TM9SF2: variants seen among roughly 807,000 people sequenced by gnomAD.
TM9SF2 encodes the protein transmembrane 9 superfamily member 2.
Under a neutral mutation model 84.9 loss-of-function variants are expected in TM9SF2, and 13 were observed. That is an observed-to-expected ratio of 0.15 (90% CI 0.10 to 0.24). The LOEUF (loss-of-function observed/expected upper bound fraction) is 0.24. Ranked by LOEUF, TM9SF2 falls within the 10% of genes least tolerant of loss-of-function variation. The pLI is 1.00. For synonymous variants in TM9SF2, 273 were observed against 285.8 expected (o/e 0.96, Z 0.45); for missense variants, 562 against 818.5 (o/e 0.69, Z 3.82).
rs776020630 is a variant in TM9SF2, at chr13:99,554,310, G to C, written c.1495G>C (p.Glu499Gln). 1.9e-6 allele frequency: 3 copies of C among 1,610,986 alleles called. No homozygotes were observed. In the South Asian group the frequency reaches 3.3e-5, roughly 18 times the overall value. The part of the protein sequence containing the change: ...AYFGFKKNAI[E>Q]HPVRTNQIPR... ...CTTCCTTTTTTTACTGAAGGCCATT[G>C]AACACCCAGTTCGAACCAATCAGAT... Residue 499 changes from glutamate (E) to glutamine (Q), a missense_variant, in exon 14 of 17, where the codon GAA becomes CAA. Coordinates refer to ENST00000376387, the MANE Select transcript of TM9SF2 (RefSeq NM_004800.3).
At chr13:99,520,916 C>T (rs9517757) in intron 3 of TM9SF2, among the ~76,000 whole-genome samples, 61,110 of 152,086 alleles carry the variant, frequency 0.4, 14,517 homozygotes, top group Non-Finnish European at 0.54. Context: ...GTACATTTTT[C>T]GAACACCAGT....
At position 99,501,483 on chromosome 13, in the gene TM9SF2, A is replaced by G; in HGVS notation, c.-124A>G. 1 of 1,289,448 alleles carries G rather than the reference A, an allele frequency of 7.8e-7. No homozygotes were observed. The highest frequency in any genetic ancestry group is 1.1e-6 in the Non-Finnish European group (1 of 944,052). 79.9% of individuals were successfully genotyped at this position (1,289,448 alleles called of 1,614,324 possible). On this transcript the variant is annotated 5_prime_UTR_variant, in exon 1 of 17. Coordinates refer to ENST00000376387, the MANE Select transcript of TM9SF2 (RefSeq NM_004800.3). ...CCGGGGTGTCTCCTAGCGCAACCGGAACTAGCCTTCTGGGGGCCGGCTTCC... is the reference window on the plus strand; with the variant it reads ...CCGGGGTGTCTCCTAGCGCAACCGGGACTAGCCTTCTGGGGGCCGGCTTCC...
At position 99,532,583 on chromosome 13, in the gene TM9SF2, G is replaced by A. The variant is rs1012298780; in HGVS notation, c.461+2989G>A. 2.6e-5 allele frequency among the ~76,000 whole-genome samples: 4 copies of A among 151,970 alleles called. 1 individual carries two copies. The South Asian group carries it at 6.2e-4, about 24-fold the overall frequency. ...CAGGCGCCTGTAATCCCAGCTACTC[G>A]GGAGGCTGAGGCAGGAGAATTGCTT... On this transcript the variant is annotated intron_variant, in intron 4 of 16. Coordinates refer to ENST00000376387, the MANE Select transcript of TM9SF2 (RefSeq NM_004800.3).
At chr13:99,561,822 A>T (rs1375734098) in intron 16 of TM9SF2, among the ~76,000 whole-genome samples, 1 of 152,228 alleles carries the variant, frequency 6.6e-6, no homozygotes, top group African/African-American at 2.4e-5. Flanking sequence ...GCTTGAAGTC[A>T]GAAAAAACGC....
At chr13:99,520,976 C>A (rs1275036302) in intron 3 of TM9SF2, among the ~76,000 whole-genome samples, 1 of 152,186 alleles carries the variant, frequency 6.6e-6, no homozygotes, top group Non-Finnish European at 1.5e-5. Flanking sequence ...ATATGTACTT[C>A]ATCATCTCTC....
chr13:99,502,309 A>T (rs887117140), intron 1 of TM9SF2, among the ~76,000 whole-genome samples: 2 of 152,202 alleles, frequency 1.3e-5, no homozygotes, highest in Non-Finnish European at 2.9e-5. Context: ...TCTTTCTAGG[A>T]CTTTGATATC....
At chr13:99,529,336 AATTT>A (rs2046197650) in intron 3 of TM9SF2, 127 bp from the exon 4 acceptor site, 2 of 769,336 alleles carry the variant, frequency 2.6e-6, no homozygotes, top group East Asian at 3.2e-5. Context: ...GGAATTTAAA[AATTT>A]ATTTATTACC....
intron 14 of TM9SF2, among the ~76,000 whole-genome samples, 157 bp downstream of exon 14, chr13:99,554,612 A>G (rs778694070): frequency 6.6e-6 from 1 of 152,236 alleles, no homozygotes; most frequent in African/African-American, 2.4e-5. Context: ...TATCTTTTCC[A>G]TGTTGGAAGA....
At chr13:99,558,659 G>A (rs2046333460) in intron 15 of TM9SF2, among the ~76,000 whole-genome samples, 1 of 152,036 alleles carries the variant, frequency 6.6e-6, no homozygotes, top group African/African-American at 2.4e-5. Context: ...AAACAAAACC[G>A]ACTTTTGTAT....
chr13:99,562,209 T>A (rs1334207127), intron 16 of TM9SF2, among the ~76,000 whole-genome samples: 1 of 152,234 alleles, frequency 6.6e-6, no homozygotes, highest in East Asian at 1.9e-4. Flanking sequence ...CATGTCACTT[T>A]TAACATTTTG....
At chr13:99,553,058 C>G (rs1158701433) in intron 13 of TM9SF2, among the ~76,000 whole-genome samples, 1 of 152,228 alleles carries the variant, frequency 6.6e-6, no homozygotes. Flanking sequence ...AGTCCTTCCT[C>G]CAGTTTCCCT....
intron 16 of TM9SF2, 120 bp downstream of exon 16, chr13:99,559,654 C>G: frequency 1.1e-6 from 1 of 940,178 alleles, no homozygotes; most frequent in Middle Eastern, 3.5e-4. Context: ...CATATTTAGT[C>G]CTCAGCACAA....
chr13:99,507,444 G>C (rs1241003103), intron 1 of TM9SF2, among the ~76,000 whole-genome samples: 2 of 152,168 alleles, frequency 1.3e-5, no homozygotes, highest in East Asian at 3.8e-4. Flanking sequence ...ACTCATTGCA[G>C]CTTTGATGTG....
intron 12 of TM9SF2, among the ~76,000 whole-genome samples, chr13:99,549,571 CAT>C (rs71728162): frequency 0.032 from 4,919 of 152,260 alleles, 110 homozygotes; most frequent in Middle Eastern, 0.11. Flanking sequence ...TTCAGGCAAG[CAT>C]ATGTTTTCCC....
intron 16 of TM9SF2, among the ~76,000 whole-genome samples, chr13:99,561,038 G>C (rs2046343017): frequency 6.6e-6 from 1 of 152,192 alleles, no homozygotes; most frequent in Non-Finnish European, 1.5e-5. Context: ...TTTGTAATCT[G>C]AATTATGGAG....
At chr13:99,529,736 G>T in intron 4 of TM9SF2, 142 bp downstream of exon 4, 1 of 850,594 alleles carries the variant, frequency 1.2e-6, no homozygotes. Context: ...GTCGTAGCTT[G>T]AAGTAGTGAC....
At position 99,533,385 on chromosome 13, in the gene TM9SF2, T is replaced by A. The variant is rs184670671; in HGVS notation, c.462-3223T>A. On this transcript the variant is annotated intron_variant, in intron 4 of 16. Coordinates refer to ENST00000376387, the MANE Select transcript of TM9SF2 (RefSeq NM_004800.3). ...GCATATGGAGGTATAGAAAAGGGTG[T>A]GTCCCTTTTTAAAATAATGCAACTA... Among the ~76,000 whole-genome samples the A allele has an allele frequency of 3.8e-3, 583 of 152,330 alleles. 1 individual carries two copies. The highest frequency in any genetic ancestry group is 6.8e-3 in the Non-Finnish European group (460 of 68,016).
chr13:99,510,644 ATCAG>A (rs1306000595), intron 1 of TM9SF2, among the ~76,000 whole-genome samples: 1 of 152,204 alleles, frequency 6.6e-6, no homozygotes, highest in Non-Finnish European at 1.5e-5. Context: ...AGAACTCATT[ATCAG>A]GAGGACAGCA....
intron 9 of TM9SF2, 101 bp from the exon 10 acceptor site, chr13:99,543,762 A>G (rs2046270554): frequency 6.8e-7 from 1 of 1,462,564 alleles, no homozygotes; most frequent in Admixed American, 2.3e-5. Context: ...AGTTTAAAAA[A>G]AACCTGTTTT....
Sources: allele counts gnomAD v4.1 joint callset (sites outside exome capture counted in the v4.1 genomes callset), GRCh38; gene constraint gnomAD v4.1.1; transcripts MANE v1.5; gene names NCBI Gene and HGNC (gene_info 2026-07-23, HGNC 2026-07-21).